The following PPP3CA variants were observed in gnomAD, a reference collection of about 807,000 sequenced individuals.
PPP3CA encodes the protein CAM-PRP catalytic subunit.
A neutral mutation model predicts 66.5 loss-of-function variants in PPP3CA; 14 were observed. That is an observed-to-expected ratio of 0.21 (90% CI 0.14 to 0.33). The LOEUF (loss-of-function observed/expected upper bound fraction) is 0.33, where lower values mean the gene tolerates loss of function less well. PPP3CA is among the 10% of genes least tolerant of loss of function. The probability of loss-of-function intolerance (pLI) is 1.00; values close to 1 mark genes in which losing one functional copy is unlikely to be tolerated. For missense variants in PPP3CA, 317 were observed against 639.5 expected, an observed-to-expected ratio of 0.50 and a Z score of 5.44; for synonymous variants, 232 against 226.2, an observed-to-expected ratio of 1.03 and a Z score of -0.23.
chr4:101,277,795 A>G (rs1463818011), intron 1 of PPP3CA, among the ~76,000 whole-genome samples: 1 of 152,198 alleles, frequency 6.6e-6, no homozygotes, highest in East Asian at 1.9e-4. Flanking sequence ...GGCTGCAAAC[A>G]GGGTTTTCTA....
chr4:101,082,539 G>A (rs1405710271), intron 7 of PPP3CA, among the ~76,000 whole-genome samples: 1 of 152,160 alleles, frequency 6.6e-6, no homozygotes. Context: ...TCTCCCTAAT[G>A]TAGATTTAAT....
intron 13 of PPP3CA, among the ~76,000 whole-genome samples, chr4:101,026,495 C>A (rs1204931248): frequency 6.6e-6 from 1 of 152,080 alleles, no homozygotes; most frequent in African/African-American, 2.4e-5. Flanking sequence ...TAGGTAATGG[C>A]AAATTCAGTG....
chr4:101,174,453 C>T (rs1463721674), intron 2 of PPP3CA, among the ~76,000 whole-genome samples: 2 of 152,074 alleles, frequency 1.3e-5, no homozygotes, highest in Non-Finnish European at 2.9e-5. Context: ...TTTATGTATT[C>T]TTATAATCTG....
In PPP3CA at chr4:101,106,450, A is replaced by AAAGAAAGAAAGAAAGAAAGAGAGAAAG. The variant is rs751759518; in HGVS notation, c.384+2503_384+2504insCTTTCTCTCTTTCTTTCTTTCTTTCTT. ...GAAAGAAAGAAAGAAAGAAAGAAAGAAAGAGAAAAGAAAAGAAAAGAAAAG... is the reference window on the plus strand; with the variant it reads ...GAAAGAAAGAAAGAAAGAAAGAAAGAAAGAAAGAAAGAAAGAAAGAGAGAAAGAAGAGAAAAGAAAAGAAAAGAAAAG... On this transcript the variant is annotated intron_variant, in intron 3 of 13. Coordinates refer to ENST00000394854, the MANE Select transcript of PPP3CA (RefSeq NM_000944.5). Among the ~76,000 whole-genome samples the AAAGAAAGAAAGAAAGAAAGAGAGAAAG allele has an allele frequency of 1.8e-4, 2 of 11,094 alleles. 1 individual carries two copies. Among genetic ancestry groups the AAAGAAAGAAAGAAAGAAAGAGAGAAAG allele is most frequent in the Non-Finnish European group, 3.5e-4 (2 of 5,772 alleles). 7.3% of individuals were successfully genotyped at this position (11,094 alleles called of 152,430 possible).
At chr4:101,246,516 A>G (rs1324131358) in intron 1 of PPP3CA, among the ~76,000 whole-genome samples, 1 of 152,232 alleles carries the variant, frequency 6.6e-6, no homozygotes, top group Non-Finnish European at 1.5e-5. Flanking sequence ...TTAATTAGTA[A>G]CAAGTTACAA....
At chr4:101,182,356 G>T (rs1404684854) in intron 2 of PPP3CA, among the ~76,000 whole-genome samples, 2 of 152,068 alleles carry the variant, frequency 1.3e-5, no homozygotes, top group African/African-American at 4.8e-5. Context: ...AAATGCACTG[G>T]GAACTAGGGG....
At chr4:101,149,564 C>T (rs1169971245) in intron 2 of PPP3CA, among the ~76,000 whole-genome samples, 2 of 152,238 alleles carry the variant, frequency 1.3e-5, no homozygotes, top group Non-Finnish European at 1.5e-5. Flanking sequence ...GTGTTGTACA[C>T]ACTGCTGAAG....
chr4:101,194,191 T>G (rs1724713936), intron 2 of PPP3CA, among the ~76,000 whole-genome samples: 1 of 152,000 alleles, frequency 6.6e-6, no homozygotes, highest in African/African-American at 2.4e-5. Flanking sequence ...GAATTACAAA[T>G]AAGAAAAAAT....
intron 1 of PPP3CA, among the ~76,000 whole-genome samples, chr4:101,201,251 G>A (rs1026592428): frequency 6.6e-6 from 1 of 152,170 alleles, no homozygotes; most frequent in Non-Finnish European, 1.5e-5. Context: ...CTAAGTAAAT[G>A]AGAACAAGGT....
intron 2 of PPP3CA, among the ~76,000 whole-genome samples, chr4:101,123,973 C>A (rs181679727): frequency 2.0e-5 from 3 of 152,318 alleles, no homozygotes; most frequent in South Asian, 2.1e-4. Flanking sequence ...CAGGTTAATA[C>A]TTCGGCAGAA....
At chr4:101,042,654 C>A (rs143090575) in intron 10 of PPP3CA, among the ~76,000 whole-genome samples, 1 of 151,890 alleles carries the variant, frequency 6.6e-6, no homozygotes, top group Non-Finnish European at 1.5e-5. Flanking sequence ...TACCTCTAAT[C>A]GTATTCTGAT....
rs547624406 is a variant in PPP3CA at position 101,129,437 on chromosome 4, G to A, written c.260-20359C>T. ...CTCCTCAAGTGGGTCCCTGATCCCC[G>A]TGCCTCATCACTGGGAGACACCTCC... On this transcript the variant is annotated intron_variant, in intron 2 of 13. Coordinates refer to ENST00000394854, the MANE Select transcript of PPP3CA (RefSeq NM_000944.5). Among the ~76,000 whole-genome samples, 231 of 152,264 alleles carry A rather than the reference G, an allele frequency of 1.5e-3. 5 individuals carry two copies. In the South Asian group the frequency reaches 0.038, roughly 25 times the overall value.
At chr4:101,333,270 G>GTTTTTTTTTTTTTTTTTTTTTTTTT (rs70961788) in intron 1 of PPP3CA, among the ~76,000 whole-genome samples, 1 of 47,270 alleles carries the variant, frequency 2.1e-5, no homozygotes, top group South Asian at 8.2e-4. Context: ...ACCATGCCCA[G>GTTTTTTTTTTTTTTTTTTTTTTTTT]TTTTTTTTTT....
chr4:101,248,263 G>C (rs933573594), intron 1 of PPP3CA, among the ~76,000 whole-genome samples: 3 of 152,132 alleles, frequency 2.0e-5, no homozygotes, highest in Non-Finnish European at 4.4e-5. Flanking sequence ...AATAACTTGA[G>C]TTTTAGAGCC....
At chr4:101,333,804 T>C (rs1729531601) in intron 1 of PPP3CA, among the ~76,000 whole-genome samples, 1 of 152,204 alleles carries the variant, frequency 6.6e-6, no homozygotes, top group Non-Finnish European at 1.5e-5. Flanking sequence ...AGGCAGCTTA[T>C]CACTCCCTTT....
intron 1 of PPP3CA, among the ~76,000 whole-genome samples, chr4:101,294,522 C>T (rs930906136): frequency 3.0e-4 from 37 of 123,338 alleles, no homozygotes; most frequent in Admixed American, 2.1e-3. Flanking sequence ...TCATGCCTTA[C>T]ATGTACCTAA....
At chr4:101,203,095 C>A (rs1408559546) in intron 1 of PPP3CA, among the ~76,000 whole-genome samples, 1 of 152,142 alleles carries the variant, frequency 6.6e-6, no homozygotes, top group East Asian at 1.9e-4. Flanking sequence ...AATAAGCATT[C>A]TTCTTTTTTC....
At chr4:101,146,516 C>T (rs1722974316) in intron 2 of PPP3CA, among the ~76,000 whole-genome samples, 1 of 151,836 alleles carries the variant, frequency 6.6e-6, no homozygotes, top group Admixed American at 6.6e-5. Flanking sequence ...AATCTCGGCT[C>T]ACTGCAACCT....
chr4:101,083,345 T>A (rs1729523374), intron 6 of PPP3CA, 82 bp from the exon 7 acceptor site: 1 of 1,198,550 alleles, frequency 8.3e-7, no homozygotes, highest in Admixed American at 1.8e-5. Context: ...TCCAGATCTA[T>A]GTGACTGGAT....
Sources: gnomAD v4.1 joint callset for allele counts (sites outside exome capture counted in the v4.1 genomes callset) on GRCh38, gnomAD v4.1.1 for gene constraint, MANE v1.5 for transcripts, NCBI Gene and HGNC (gene_info 2026-07-23, HGNC 2026-07-21) for gene names.